ZNF521: variants seen among roughly 807,000 people sequenced by gnomAD.
ZNF521 encodes the protein zinc finger protein 521.
A neutral mutation model predicts 105.5 loss-of-function variants in ZNF521; 14 were observed. The ratio of observed to expected loss-of-function variants is 0.13; its 90% CI spans 0.09 to 0.21. The LOEUF is 0.21. ZNF521 is among the 10% of genes least tolerant of loss of function. The pLI is 1.00. For missense variants in ZNF521, 1,233 were observed against 1,629.7 expected (o/e 0.76, Z 4.19); for synonymous variants, 635 against 606.0 (o/e 1.05, Z -0.70).
chr18:25,179,137 T>A (rs2035585938), intron 5 of ZNF521, among the ~76,000 whole-genome samples: 1 of 87,520 alleles, frequency 1.1e-5, no homozygotes, highest in Non-Finnish European at 2.2e-5. Flanking sequence ...TTTTTTTTTT[T>A]TTTTTTTTTT....
At chr18:25,281,056 C>G (rs575221722) in intron 3 of ZNF521, among the ~76,000 whole-genome samples, 1 of 152,268 alleles carries the variant, frequency 6.6e-6, no homozygotes, top group South Asian at 2.1e-4. Context: ...TGTGAAATTT[C>G]TCTTACATCC....
intron 3 of ZNF521, among the ~76,000 whole-genome samples, chr18:25,233,542 G>T (rs546852099): frequency 6.6e-6 from 1 of 152,214 alleles, no homozygotes; most frequent in East Asian, 1.9e-4. Context: ...TAACAGTTAG[G>T]TTATGAGGAA....
chr18:25,305,735 C>T (rs1255658917), intron 3 of ZNF521, among the ~76,000 whole-genome samples: 1 of 152,152 alleles, frequency 6.6e-6, no homozygotes, highest in Non-Finnish European at 1.5e-5. Flanking sequence ...AATAATAACT[C>T]ATACTAATTC....
chr18:25,309,678 T>G (rs1912187978), intron 3 of ZNF521, among the ~76,000 whole-genome samples: 1 of 152,174 alleles, frequency 6.6e-6, no homozygotes, highest in Admixed American at 6.5e-5. Context: ...TAAGAAATAG[T>G]AAGTATATAA....
intron 2 of ZNF521, among the ~76,000 whole-genome samples, chr18:25,324,242 A>C (rs1174312947): frequency 6.6e-6 from 1 of 152,136 alleles, no homozygotes; most frequent in Non-Finnish European, 1.5e-5. Context: ...ACTACCTTTA[A>C]AAGTCCTTTA....
chr18:25,062,020 G>A lies in ZNF521; in HGVS notation c.*692C>T, dbSNP rs934774178. On this transcript the variant is annotated 3_prime_UTR_variant, in exon 8 of 8. Coordinates refer to ENST00000361524, the MANE Select transcript of ZNF521 (RefSeq NM_015461.3). ...AAACATTAATAACAGTAACATACAG[G>A]TTAGTTCAACTGATTCAAGAATTTG... 4 of 191,808 alleles carry A rather than the reference G, an allele frequency of 2.1e-5. No individual in the cohort carries two copies. The highest frequency in any genetic ancestry group is 9.3e-5 in the African/African-American group (4 of 43,030). 11.9% of individuals were successfully genotyped at this position (191,808 alleles called of 1,614,324 possible). A position where few individuals can be genotyped will look rare whatever the true frequency, so the allele number is the denominator to read the frequency against.
chr18:25,298,706 C>T (rs558312548), intron 3 of ZNF521, among the ~76,000 whole-genome samples: 1 of 152,052 alleles, frequency 6.6e-6, no homozygotes, highest in Non-Finnish European at 1.5e-5. Flanking sequence ...CTTTCAGCAA[C>T]AATAATCATG....
At chr18:25,207,968 T>C (rs2036112298) in intron 4 of ZNF521, among the ~76,000 whole-genome samples, 1 of 152,168 alleles carries the variant, frequency 6.6e-6, no homozygotes, top group Non-Finnish European at 1.5e-5. Flanking sequence ...CAGTATATAA[T>C]ATGAAAGGTG....
At chr18:25,343,018 A>T (rs538049164) in intron 2 of ZNF521, among the ~76,000 whole-genome samples, 31 of 152,242 alleles carry the variant, frequency 2.0e-4, no homozygotes, top group African/African-American at 7.5e-4. Context: ...GGTCACAGAA[A>T]CTCCTATAAT....
intron 7 of ZNF521, among the ~76,000 whole-genome samples, chr18:25,068,110 C>T (rs2033118771): frequency 6.6e-6 from 1 of 152,070 alleles, no homozygotes; most frequent in African/African-American, 2.4e-5. Context: ...ATTTAAACTG[C>T]AGTTGTATTT....
chr18:25,275,387 G>A (rs536078364), intron 3 of ZNF521, among the ~76,000 whole-genome samples: 91 of 152,308 alleles, frequency 6.0e-4, no homozygotes, highest in Admixed American at 3.9e-4. Context: ...AACTGGCTGA[G>A]TAGTTAAGAT....
At chr18:25,246,886 C>G (rs1164443532) in intron 3 of ZNF521, among the ~76,000 whole-genome samples, 5 of 152,160 alleles carry the variant, frequency 3.3e-5, no homozygotes, top group Non-Finnish European at 7.3e-5. Context: ...AGAAGGGGTT[C>G]CATAGTGCTT....
At chr18:25,134,697 T>C (rs780314250) in intron 5 of ZNF521, among the ~76,000 whole-genome samples, 12 of 152,230 alleles carry the variant, frequency 7.9e-5, no homozygotes, top group Admixed American at 3.9e-4. Flanking sequence ...ATCTCTGAGA[T>C]AAAAGGCTCC....
chr18:25,090,951 T>C (rs1051046110), intron 6 of ZNF521, among the ~76,000 whole-genome samples: 1 of 152,176 alleles, frequency 6.6e-6, no homozygotes, highest in Non-Finnish European at 1.5e-5. Context: ...GATGGAATTA[T>C]TGAATGAAGG....
chr18:25,090,729 G>C (rs1181486839), intron 6 of ZNF521, among the ~76,000 whole-genome samples: 1 of 152,104 alleles, frequency 6.6e-6, no homozygotes, highest in Non-Finnish European at 1.5e-5. Context: ...GCTACAACAT[G>C]AAAGACCTAT....
intron 4 of ZNF521, among the ~76,000 whole-genome samples, chr18:25,212,831 A>T (rs890483329): frequency 6.6e-6 from 1 of 151,278 alleles, no homozygotes. Context: ...GGATTATTTT[A>T]AAATGTGTAT....
At chr18:25,199,295 A>G (rs926887828) in intron 4 of ZNF521, among the ~76,000 whole-genome samples, 67 of 151,366 alleles carry the variant, frequency 4.4e-4, no homozygotes, top group Middle Eastern at 3.4e-3. Flanking sequence ...TTGTCATGGG[A>G]AAAAAAAAGT....
At chr18:25,062,801 A>G (rs878886146) in intron 7 of ZNF521, 60 bp from the exon 8 acceptor site, 41 of 1,396,906 alleles carry the variant, frequency 2.9e-5, no homozygotes, top group Middle Eastern at 2.5e-4. Flanking sequence ...GAGAGGGAAA[A>G]CAAACTTCAG....
intron 5 of ZNF521, among the ~76,000 whole-genome samples, chr18:25,123,830 G>C (rs573537482): frequency 1.3e-5 from 2 of 152,158 alleles, no homozygotes; most frequent in Non-Finnish European, 2.9e-5. Context: ...GCCAGATGCT[G>C]GTTTGGATGA....
Sources: gnomAD v4.1 joint callset for allele counts (sites outside exome capture counted in the v4.1 genomes callset) on GRCh38, gnomAD v4.1.1 for gene constraint, MANE v1.5 for transcripts, NCBI Gene and HGNC (gene_info 2026-07-23, HGNC 2026-07-21) for gene names.